TRAK1: variants seen among roughly 807,000 people sequenced by gnomAD.
The protein encoded by TRAK1 is trafficking kinesin-binding protein 1.
TRAK1 carries 33 observed loss-of-function variants against 92.1 expected under a neutral mutation model. The observed-to-expected ratio is 0.36, with a 90% confidence interval of 0.27 to 0.48. The LOEUF (loss-of-function observed/expected upper bound fraction) is 0.48. TRAK1 is among the 20% of genes least tolerant of loss of function. The probability of loss-of-function intolerance (pLI) is 0.99; values close to 1 mark genes in which losing one functional copy is unlikely to be tolerated. For missense variants in TRAK1, 1,123 were observed against 1,257.9 expected (o/e 0.89, Z 1.62); for synonymous variants, 521 against 517.3 (o/e 1.01, Z -0.10).
At position 42,160,309 on chromosome 3, in the gene TRAK1, C is replaced by T. The variant is rs575427886; in HGVS notation, c.287-16505C>T. 4 of 1,601,570 alleles carry T rather than the reference C, an allele frequency of 2.5e-6. No individual in the cohort carries two copies. The East Asian group carries it at 6.7e-5, about 27-fold the overall frequency. On this transcript the variant is annotated intron_variant, in intron 2 of 15. Transcript: ENST00000327628. The stretch of plus-strand genomic sequence containing the variant: ...TCCTCTGGGTAGGGGGTCGGGGGCA[C>T]CCCCAAGGATGGTCCCTTAGGGTGA...
Position 42,223,090 on chromosome 3 carries a change from G to A in TRAK1, c.2215G>A (p.Gly739Arg). The A allele has an allele frequency of 6.2e-7, 1 of 1,614,016 alleles. No individual in the cohort carries two copies. Among genetic ancestry groups the A allele is most frequent in the Non-Finnish European group, 8.5e-7 (1 of 1,180,002 alleles). ...ESTTTMSTSL[G>R]LVWLLKERGI... ...CACGACCACCATGAGCACATCCCTG[G>A]GGCTCGTGTGGCTGTTGAAGGAGCG... Residue 739 changes from glycine to arginine, a missense_variant, in exon 16 of 16, where the codon GGG (glycine) becomes AGG (arginine). Around this residue, in one of 3 missense-constraint regions of TRAK1, gnomAD observed 401 missense variants for 438.9 expected, o/e 0.91. Coordinates refer to ENST00000327628, the MANE Select transcript of TRAK1 (RefSeq NM_001042646.3). The surrounding 1 kb of genome is among the most constrained non-coding windows in gnomAD (Gnocchi z 6.1).
chr3:42,105,252 C>T (rs1707370724), intron 1 of TRAK1, among the ~76,000 whole-genome samples: 1 of 152,158 alleles, frequency 6.6e-6, no homozygotes, highest in Non-Finnish European at 1.5e-5. Flanking sequence ...CCACGCCCAG[C>T]AGAAGCTAAA....
chr3:42,056,591 A>G (rs1303616078), intron 1 of TRAK1, among the ~76,000 whole-genome samples: 1 of 152,226 alleles, frequency 6.6e-6, no homozygotes, highest in Admixed American at 6.5e-5. Flanking sequence ...GCTGATTATT[A>G]AAGAGATTAT....
At chr3:42,183,553 T>TAAAAAAAAAAAAAAAA (rs11293523) in intron 3 of TRAK1, among the ~76,000 whole-genome samples, 24 of 117,322 alleles carry the variant, frequency 2.0e-4, no homozygotes, top group African/African-American at 7.6e-4. Flanking sequence ...AGACTCTGTC[T>TAAAAAAAAAAAAAAAA]AAAAAAAAAA....
chr3:42,027,522 G>GAA (rs754971016), intron 1 of TRAK1, among the ~76,000 whole-genome samples: 1 of 133,380 alleles, frequency 7.5e-6, no homozygotes, highest in Admixed American at 7.5e-5. Context: ...GACTCCATCT[G>GAA]AAAAAAAAAA....
intron 1 of TRAK1, among the ~76,000 whole-genome samples, chr3:42,036,407 C>T (rs912854206): frequency 1.3e-5 from 2 of 152,146 alleles, no homozygotes; most frequent in African/African-American, 4.8e-5. Context: ...TTTCATGATA[C>T]CCGGTGTGTG....
At chr3:42,139,203 C>T (rs1329455250) in intron 2 of TRAK1, among the ~76,000 whole-genome samples, 1 of 152,148 alleles carries the variant, frequency 6.6e-6, no homozygotes, top group African/African-American at 2.4e-5. Flanking sequence ...TTTCTGTCAT[C>T]CCTAAGCTCT....
intron 1 of TRAK1, among the ~76,000 whole-genome samples, chr3:42,031,382 A>G (rs945094624): frequency 2.0e-5 from 3 of 149,998 alleles, no homozygotes; most frequent in Non-Finnish European, 4.4e-5. Flanking sequence ...CTGACTGGAC[A>G]TGGTGGCTTA....
chr3:42,112,577 A>C (rs1708581427), intron 1 of TRAK1, among the ~76,000 whole-genome samples: 1 of 151,418 alleles, frequency 6.6e-6, no homozygotes, highest in African/African-American at 2.4e-5. Context: ...TCTACTAAAA[A>C]TACGAAAGTT....
At chr3:42,093,237 C>A (rs1476886589) in intron 1 of TRAK1, among the ~76,000 whole-genome samples, 1 of 151,078 alleles carries the variant, frequency 6.6e-6, no homozygotes, top group East Asian at 1.9e-4. Context: ...TTAGTGGAAT[C>A]TCCTTTATTT....
At chr3:42,156,143 C>T (rs1700507316) in intron 2 of TRAK1, among the ~76,000 whole-genome samples, 1 of 152,228 alleles carries the variant, frequency 6.6e-6, no homozygotes, top group South Asian at 2.1e-4. Context: ...CCCTCTCCAT[C>T]CCTTGGTTGG....
At chr3:42,122,390 G>C (rs941164742) in intron 1 of TRAK1, among the ~76,000 whole-genome samples, 3 of 151,024 alleles carry the variant, frequency 2.0e-5, no homozygotes, top group African/African-American at 7.3e-5. Flanking sequence ...CCACCAAACA[G>C]CATTGACACC....
At chr3:42,141,352 C>T (rs1209434001) in intron 2 of TRAK1, among the ~76,000 whole-genome samples, 1 of 152,172 alleles carries the variant, frequency 6.6e-6, no homozygotes, top group African/African-American at 2.4e-5. Flanking sequence ...ACTCCTGATA[C>T]TCACACTTAA....
chr3:42,013,678 G>A (rs1701396256), upstream of TRAK1: 1 of 147,192 alleles, frequency 6.8e-6, no homozygotes, highest in Non-Finnish European at 1.5e-5. This position sits in a 1 kb window ranked among gnomAD's most constrained non-coding sequence, Gnocchi z 5.1. Flanking sequence ...GCCGCGCGGC[G>A]GCGCCCGCAA....
intron 1 of TRAK1, among the ~76,000 whole-genome samples, chr3:42,102,602 A>G (rs1706941710): frequency 1.3e-5 from 2 of 152,172 alleles, no homozygotes; most frequent in South Asian, 4.1e-4. Context: ...TTCTCCCTTC[A>G]CAGTTGAATA....
chr3:42,028,356 G>A (rs1310190790), intron 1 of TRAK1, among the ~76,000 whole-genome samples: 1 of 152,218 alleles, frequency 6.6e-6, no homozygotes, highest in African/African-American at 2.4e-5. Context: ...ATGGGGAGCT[G>A]GAGACCCACT....
intron 1 of TRAK1, among the ~76,000 whole-genome samples, chr3:42,032,477 C>T (rs1296286067): frequency 1.2e-4 from 15 of 122,618 alleles, no homozygotes; most frequent in African/African-American, 8.6e-4. Context: ...AGTGGGTCAA[C>T]CTGAAAAAAA....
intron 14 of TRAK1, chr3:42,212,116 C>G (rs189405300): frequency 3.0e-6 from 3 of 985,268 alleles, no homozygotes; most frequent in Middle Eastern, 5.2e-4. Flanking sequence ...AAAAGCATAT[C>G]GCTAAGTAAA....
At chr3:42,095,685 C>T (rs1017518491) in intron 1 of TRAK1, among the ~76,000 whole-genome samples, 1 of 151,734 alleles carries the variant, frequency 6.6e-6, no homozygotes, top group Non-Finnish European at 1.5e-5. Flanking sequence ...TTTAAAATAG[C>T]GACATGATAT....
Sources: gnomAD v4.1 joint callset for allele counts (sites outside exome capture counted in the v4.1 genomes callset) on GRCh38, gnomAD v4.1.1 for gene constraint, gnomAD v4.1.1 regional missense constraint, Gnocchi (gnomAD v3.1) non-coding constraint, MANE v1.5 for transcripts, NCBI Gene and HGNC (gene_info 2026-07-23, HGNC 2026-07-21) for gene names.